PDIA6: variants seen among roughly 807,000 people sequenced by gnomAD.
The protein encoded by PDIA6 is protein disulfide isomerase family A member 6.
PDIA6 carries 29 observed loss-of-function variants against 58.4 expected under a neutral mutation model. The ratio of observed to expected loss-of-function variants is 0.50; its 90% CI spans 0.37 to 0.68. The LOEUF (loss-of-function observed/expected upper bound fraction) is 0.68. Ranked by LOEUF, PDIA6 falls within the 30% of genes least tolerant of loss-of-function variation. The pLI, the probability that PDIA6 is intolerant of heterozygous loss-of-function variation, is 0.00. For synonymous variants in PDIA6, 192 were observed against 202.6 expected (o/e 0.95, Z 0.44); for missense variants, 480 against 551.0 (o/e 0.87, Z 1.29).
intron 1 of PDIA6, chr2:10,820,857 C>G (rs1387282359): frequency 1.4e-6 from 1 of 702,940 alleles, no homozygotes; most frequent in South Asian, 1.5e-5. Flanking sequence ...CCGGAGGTCT[C>G]TTCTCATGGA....
At chr2:10,785,226 C>G in intron 11 of PDIA6, 196 bp from the exon 12 acceptor site, 1 of 530,326 alleles carries the variant, frequency 1.9e-6, no homozygotes, top group Non-Finnish European at 3.4e-6. Flanking sequence ...CAACCAGATT[C>G]AACATTCCCA....
intron 1 of PDIA6, chr2:10,810,548 A>G: frequency 1.2e-6 from 1 of 801,172 alleles, no homozygotes; most frequent in Non-Finnish European, 1.6e-6. Context: ...ATGGTGAGGG[A>G]CCTTTGTTTG....
At chr2:10,817,412 T>C (rs12621237), upstream of PDIA6, among the ~76,000 whole-genome samples, 41,078 of 152,080 alleles carry the variant, frequency 0.27, 5,823 homozygotes, top group Non-Finnish European at 0.3. Context: ...TGGGTTAGAA[T>C]AAAGAACTGT....
chr2:10,784,210 C>T lies in PDIA6; in HGVS notation c.*48G>A. The T allele has an allele frequency of 6.7e-7, 1 of 1,486,094 alleles. No individual in the cohort carries two copies. 92.1% of individuals were successfully genotyped at this position (1,486,094 alleles called of 1,614,324 possible). A position where few individuals can be genotyped will look rare whatever the true frequency, so the allele number is the denominator to read the frequency against. ...ATGTCCCTTCACTGCTGGAAAAATC[C>T]ACTGGCTCCCAAGAAAAGAAAATGG... is the stretch of plus-strand genomic sequence containing the variant. On this transcript the variant is annotated 3_prime_UTR_variant, in exon 13 of 13. Coordinates refer to ENST00000272227, the MANE Select transcript of PDIA6 (RefSeq NM_005742.4).
upstream of PDIA6, among the ~76,000 whole-genome samples, chr2:10,815,812 C>T (rs139978721): frequency 0.01 from 1,573 of 152,122 alleles, 25 homozygotes; most frequent in African/African-American, 0.036. Context: ...CCCAAGGTGC[C>T]GAGATTACAG....
At chr2:10,785,080 G>T in intron 11 of PDIA6, 50 bp from the exon 12 acceptor site, 1 of 1,236,040 alleles carries the variant, frequency 8.1e-7, no homozygotes, top group Non-Finnish European at 1.2e-6. Flanking sequence ...ATGGACTGCT[G>T]GTGCAGAAGA....
chr2:10,796,178 A>T (rs574191080), intron 4 of PDIA6, among the ~76,000 whole-genome samples: 7 of 150,550 alleles, frequency 4.6e-5, no homozygotes, highest in African/African-American at 7.4e-5. Context: ...CTCAGCCTCC[A>T]GAGTAGCTGG....
At position 10,797,279 on chromosome 2, in the gene PDIA6, T is replaced by C. The variant is rs549631463; in HGVS notation, c.220-72A>G. 16 of 1,479,746 alleles carry C rather than the reference T, an allele frequency of 1.1e-5. No homozygotes were observed. The Admixed American group carries it at 1.8e-4, about 17-fold the overall frequency. The allele number at this position is 1,479,746 out of a possible 1,614,324, so 91.7% of individuals were successfully genotyped here. ...GACTCCACAAGAACTCATTATCTGC[T>C]TCACATAGACTCAGAAAAAGGTAAT... On this transcript the variant is annotated intron_variant, in intron 3 of 12. Coordinates refer to ENST00000272227, the MANE Select transcript of PDIA6 (RefSeq NM_005742.4).
intron 1 of PDIA6, among the ~76,000 whole-genome samples, chr2:10,825,013 T>C (rs1430587342): frequency 6.6e-6 from 1 of 152,132 alleles, no homozygotes; most frequent in East Asian, 1.9e-4. Context: ...CACCAGCTAA[T>C]CAGCTGCCAA....
intron 2 of PDIA6, among the ~76,000 whole-genome samples, chr2:10,799,774 A>G (rs548143877): frequency 6.6e-6 from 1 of 152,252 alleles, no homozygotes; most frequent in South Asian, 2.1e-4. Context: ...CCTCTCTTCT[A>G]TTTGATCTGC....
At chr2:10,824,059 C>T (rs2148578489) in intron 1 of PDIA6, among the ~76,000 whole-genome samples, 1 of 152,306 alleles carries the variant, frequency 6.6e-6, no homozygotes, top group Non-Finnish European at 1.5e-5. Flanking sequence ...TTTTTGCCAC[C>T]TCCTTGTTGG....
intron 1 of PDIA6, among the ~76,000 whole-genome samples, chr2:10,829,192 T>A (rs1283136606): frequency 6.6e-6 from 1 of 152,182 alleles, no homozygotes; most frequent in Non-Finnish European, 1.5e-5. Flanking sequence ...GTTTGTGTCA[T>A]GCCCACCTCC....
At chr2:10,793,972 AAC>A (rs1666153742) in intron 4 of PDIA6, among the ~76,000 whole-genome samples, 1 of 152,222 alleles carries the variant, frequency 6.6e-6, no homozygotes, top group Admixed American at 6.5e-5. Context: ...TAATATAAGT[AAC>A]AAATCTGCAT....
chr2:10,820,848 C>A, intron 1 of PDIA6: 1 of 702,958 alleles, frequency 1.4e-6, no homozygotes, highest in Non-Finnish European at 2.6e-6. Flanking sequence ...AAGCTTCTCC[C>A]GGAGGTCTCT....
chr2:10,812,588 G>C (rs1266824595), intron 1 of PDIA6, 90 bp downstream of exon 1: 4 of 1,319,730 alleles, frequency 3.0e-6, no homozygotes, highest in Non-Finnish European at 4.0e-6. Context: ...GGCCGCCTGC[G>C]GCCGCGGCCC....
Position 10,812,725 on chromosome 2 carries a change from ACCG to A in PDIA6, c.-32_-30del, listed in dbSNP as rs748427014. Reference sequence around the variant, plus strand: ...GAGCGCCGGGCTACGTGCAGTCCCCACCGCCGCCGCCGCTTCAGCCCTGCAGCG... The same window carrying A: ...GAGCGCCGGGCTACGTGCAGTCCCCACCGCCGCCGCTTCAGCCCTGCAGCG... On this transcript the variant is annotated 5_prime_UTR_variant, in exon 1 of 13. Transcript: ENST00000272227. 53 of 1,492,826 alleles carry A rather than the reference ACCG, an allele frequency of 3.6e-5. No individual in the cohort carries two copies. Among genetic ancestry groups the A allele is most frequent in the Admixed American group, 2.1e-4 (10 of 47,104 alleles). 92.5% of individuals were successfully genotyped at this position (1,492,826 alleles called of 1,614,324 possible).
chr2:10,792,951 G>C, intron 5 of PDIA6, 145 bp downstream of exon 5: 2 of 639,914 alleles, frequency 3.1e-6, no homozygotes, highest in Non-Finnish European at 5.6e-6. Flanking sequence ...GGTTCCCTCT[G>C]GGATCGGTGG....
At chr2:10,834,166 C>G (rs1162862484), upstream of PDIA6, among the ~76,000 whole-genome samples, 1 of 152,248 alleles carries the variant, frequency 6.6e-6, no homozygotes, top group Non-Finnish European at 1.5e-5. Flanking sequence ...TCTTTGGGGT[C>G]TCAGCAGCAA....
intron 1 of PDIA6, chr2:10,821,008 G>A (rs1378806392): frequency 1.7e-6 from 1 of 582,204 alleles, no homozygotes; most frequent in African/African-American, 1.9e-5. Flanking sequence ...AGGACGAAGG[G>A]GAGGGGGGTG....
Sources: allele counts gnomAD v4.1 joint callset (sites outside exome capture counted in the v4.1 genomes callset), GRCh38; gene constraint gnomAD v4.1.1; transcripts MANE v1.5; gene names NCBI Gene and HGNC (gene_info 2026-07-23, HGNC 2026-07-21).